Variants in XKR6 observed in about 807,000 individuals in gnomAD.
The protein encoded by XKR6 is XK related 6, also known as XK-related protein 6.
XKR6 carries 22 observed loss-of-function variants against 56.7 expected under a neutral mutation model. The ratio of observed to expected loss-of-function variants is 0.39; its 90% CI spans 0.28 to 0.55. The LOEUF (loss-of-function observed/expected upper bound fraction) is 0.55, where lower values mean the gene tolerates loss of function less well. Among genes scored for constraint, XKR6 ranks in the 20% least tolerant of loss-of-function variants. The pLI is 0.66. For missense variants in XKR6, 852 were observed against 889.0 expected (o/e 0.96, Z 0.53); for synonymous variants, 524 against 387.8 (o/e 1.35, Z -4.13).
At chr8:11,050,655 G>A (rs1799524280) in intron 1 of XKR6, among the ~76,000 whole-genome samples, 1 of 151,732 alleles carries the variant, frequency 6.6e-6, no homozygotes, top group Non-Finnish European at 1.5e-5. Context: ...TACTGGGCAG[G>A]AAAAGAACAC....
intron 1 of XKR6, chr8:11,123,744 C>T (rs139798941): frequency 7.1e-6 from 3 of 422,770 alleles, no homozygotes; most frequent in Non-Finnish European, 1.4e-5. Context: ...TGCACCCCTA[C>T]CCCGGGAAAA....
At chr8:11,030,558 C>T (rs1438214856) in intron 1 of XKR6, among the ~76,000 whole-genome samples, 2 of 152,162 alleles carry the variant, frequency 1.3e-5, no homozygotes. Flanking sequence ...CTAGCATGTG[C>T]CCGAGTGCCA....
chr8:11,180,637 G>T (rs1432576586), intron 1 of XKR6, among the ~76,000 whole-genome samples: 1 of 152,228 alleles, frequency 6.6e-6, no homozygotes, highest in African/African-American at 2.4e-5. Flanking sequence ...CGGCACAGTG[G>T]CTCACACCTG....
chr8:11,105,114 T>C (rs559593015), intron 1 of XKR6: 1 of 152,232 alleles, frequency 6.6e-6, no homozygotes, highest in South Asian at 2.1e-4. Flanking sequence ...GGTTACGAGA[T>C]AAAGAAAAGC....
At chr8:11,135,964 T>C (rs562073364) in intron 1 of XKR6, among the ~76,000 whole-genome samples, 53 of 152,310 alleles carry the variant, frequency 3.5e-4, no homozygotes, top group African/African-American at 1.2e-3. Flanking sequence ...ATATTGTTTA[T>C]ATAACTCAAA....
At chr8:11,128,951 A>G (rs746524803) in intron 1 of XKR6, 1 of 456,664 alleles carries the variant, frequency 2.2e-6, no homozygotes, top group South Asian at 1.5e-5. Flanking sequence ...AGCAGCCAGA[A>G]AGTCTTTTTT....
chr8:11,101,263 G>A (rs536004677), intron 1 of XKR6, among the ~76,000 whole-genome samples: 132 of 152,280 alleles, frequency 8.7e-4, no homozygotes, highest in African/African-American at 3.1e-3. Context: ...GAAAGAACCT[G>A]AATAACAAGA....
At chr8:10,899,015 T>G in intron 2 of XKR6, 99 bp from the exon 3 acceptor site, 1 of 1,480,720 alleles carries the variant, frequency 6.8e-7, no homozygotes. Context: ...TACACCACGA[T>G]CTAAAGGAGG....
At chr8:11,062,379 G>C (rs1305293943) in intron 1 of XKR6, among the ~76,000 whole-genome samples, 1 of 152,116 alleles carries the variant, frequency 6.6e-6, no homozygotes, top group Non-Finnish European at 1.5e-5. Context: ...TCTCCTCCTA[G>C]GTTGATGCCT....
chr8:11,086,366 G>A (rs1309111989), intron 1 of XKR6, among the ~76,000 whole-genome samples: 1 of 152,044 alleles, frequency 6.6e-6, no homozygotes, highest in African/African-American at 2.4e-5. Flanking sequence ...CCGGGCCGAG[G>A]ATGTGCCCGG....
intron 1 of XKR6, among the ~76,000 whole-genome samples, chr8:11,132,960 A>C (rs533776903): frequency 6.6e-6 from 1 of 152,280 alleles, no homozygotes; most frequent in East Asian, 1.9e-4. Context: ...GTAAAAAAGA[A>C]GAGTTAAAAA....
chr8:11,182,146 C>G (rs1803020599), intron 1 of XKR6, among the ~76,000 whole-genome samples: 1 of 152,156 alleles, frequency 6.6e-6, no homozygotes, highest in African/African-American at 2.4e-5. Context: ...AATACCTTGC[C>G]CAAGTTAACT....
chr8:10,944,679 T>A (rs1169926958), intron 1 of XKR6, among the ~76,000 whole-genome samples: 1 of 152,162 alleles, frequency 6.6e-6, no homozygotes. Flanking sequence ...TTCCACAGCC[T>A]GGCTGGCTCC....
intron 1 of XKR6, among the ~76,000 whole-genome samples, chr8:11,027,007 T>C (rs1423152684): frequency 6.6e-6 from 1 of 151,858 alleles, no homozygotes; most frequent in African/African-American, 2.4e-5. Flanking sequence ...TAGCCTACTA[T>C]ACACTTAGAT....
intron 1 of XKR6, among the ~76,000 whole-genome samples, chr8:10,931,645 A>T (rs534452453): frequency 1.3e-5 from 2 of 152,300 alleles, no homozygotes; most frequent in East Asian, 3.9e-4. Flanking sequence ...AGACAATTCA[A>T]TGTTGATAGT....
intron 1 of XKR6, among the ~76,000 whole-genome samples, chr8:10,978,103 A>G (rs1431674694): frequency 6.6e-6 from 1 of 152,154 alleles, no homozygotes; most frequent in East Asian, 1.9e-4. Context: ...TCTATTTCCC[A>G]TGCACCCACT....
At chr8:10,957,112 G>A (rs1323669527) in intron 1 of XKR6, among the ~76,000 whole-genome samples, 11 of 152,044 alleles carry the variant, frequency 7.2e-5, no homozygotes, top group African/African-American at 1.4e-4. Flanking sequence ...CACCATGCCC[G>A]TTTAATTTTT....
chr8:10,924,698 G>A lies in XKR6; in HGVS notation c.897C>T (p.Ser299=), dbSNP rs149808365. Residue 299 remains serine (S), a synonymous_variant, in exon 2 of 3, where the codon AGC becomes AGT. Coordinates refer to ENST00000416569, the MANE Select transcript of XKR6 (RefSeq NM_173683.4). ...AGAGCTGTAGCACCAGTTGGGGCGCGCTCTCCAGGAAGGTCTCCAGGAGGC... is the reference window on the plus strand; with the variant it reads ...AGAGCTGTAGCACCAGTTGGGGCGCACTCTCCAGGAAGGTCTCCAGGAGGC... ...MLRLLETFLE[S]APQLVLQLYI... 41 of 1,613,436 alleles carry A rather than the reference G, an allele frequency of 2.5e-5. 1 individual carries two copies. The highest frequency in any genetic ancestry group is 1.3e-4 in the African/African-American group (10 of 75,034).
Position 10,897,818 on chromosome 8 carries a change from G to C in XKR6, c.*134C>G, listed in dbSNP as rs1335616414. 9.1e-7 allele frequency: 1 copy of C among 1,098,278 alleles called. No individual in the cohort carries two copies. The highest frequency in any genetic ancestry group is 1.3e-6 in the Non-Finnish European group (1 of 795,694). 68.0% of individuals were successfully genotyped at this position (1,098,278 alleles called of 1,614,324 possible). On this transcript the variant is annotated 3_prime_UTR_variant, in exon 3 of 3. Transcript: ENST00000416569. ...TTAATTCTTTTTTTTTTGTAGTGGT[G>C]GTGTTGGTGTGGCGGTGTTGGTGGT...
Sources: allele counts gnomAD v4.1 joint callset (sites outside exome capture counted in the v4.1 genomes callset), GRCh38; gene constraint gnomAD v4.1.1; transcripts MANE v1.5; gene names NCBI Gene and HGNC (gene_info 2026-07-23, HGNC 2026-07-21).